Variants in PPP2R5C observed in about 807,000 individuals in gnomAD.
The protein encoded by PPP2R5C is serine/threonine-protein phosphatase 2A 56 kDa regulatory subunit gamma isoform.
A neutral mutation model predicts 68.9 loss-of-function variants in PPP2R5C; 7 were observed. The observed-to-expected ratio is 0.10, with a 90% CI of 0.06 to 0.19. The LOEUF (loss-of-function observed/expected upper bound fraction) is 0.19, where lower values mean the gene tolerates loss of function less well. Ranked by LOEUF, PPP2R5C falls within the 10% of genes least tolerant of loss-of-function variation. The pLI, the probability that PPP2R5C is intolerant of heterozygous loss-of-function variation, is 1.00. For synonymous variants in PPP2R5C, 210 were observed against 222.2 expected, an observed-to-expected ratio of 0.95 and a Z score of 0.49; for missense variants, 348 against 641.3, an observed-to-expected ratio of 0.54 and a Z score of 4.94.
Position 101,919,969 on chromosome 14 carries a change from CAA to C in PPP2R5C, c.1443+2044_1443+2045del, listed in dbSNP as rs34641396. Among the ~76,000 whole-genome samples the C allele has an allele frequency of 6.9e-3, 364 of 52,862 alleles. 2 individuals are homozygous for C. Among genetic ancestry groups the C allele is most frequent in the African/African-American group, 0.029 (327 of 11,158 alleles). The allele number at this position is 52,862 out of a possible 152,430, so 34.7% of individuals were successfully genotyped here. ...GGGCAAGAAAAGCAAAACTCCGTCT[CAA>C]AAAAAAAAAAAAAAAAAAAAACCAA... On this transcript the variant is annotated intron_variant, in intron 13 of 13. Coordinates refer to ENST00000334743, the Ensembl canonical transcript of PPP2R5C.
At chr14:101,856,307 C>T (rs962929646) in intron 1 of PPP2R5C, among the ~76,000 whole-genome samples, 2 of 152,234 alleles carry the variant, frequency 1.3e-5, no homozygotes, top group Non-Finnish European at 2.9e-5. Flanking sequence ...AATGTGTCCA[C>T]GCCCTTTCCC....
chr14:101,761,077 A>AAGGGGAGGGG (rs1175956652), upstream of PPP2R5C, among the ~76,000 whole-genome samples: 6 of 47,688 alleles, frequency 1.3e-4, no homozygotes, highest in Admixed American at 2.4e-4. Context: ...GAGAGGAGGG[A>AAGGGGAGGGG]AGGGGAGGGG....
chr14:101,830,114 C>G (rs1202238263), intron 1 of PPP2R5C, among the ~76,000 whole-genome samples: 1 of 152,148 alleles, frequency 6.6e-6, no homozygotes, highest in African/African-American at 2.4e-5. Flanking sequence ...CATCTATATT[C>G]AAGGTAGATC....
intron 1 of PPP2R5C, among the ~76,000 whole-genome samples, chr14:101,838,670 C>G (rs1015384982): frequency 6.6e-6 from 1 of 152,202 alleles, no homozygotes; most frequent in African/African-American, 2.4e-5. Flanking sequence ...AGGAGGAGCC[C>G]CAGGGAAGGA....
At chr14:101,765,264 T>C (rs886233399) in intron 2 of PPP2R5C, 2 of 702,814 alleles carry the variant, frequency 2.8e-6, no homozygotes, top group Non-Finnish European at 5.2e-6. Context: ...ACCTGGCATA[T>C]TAAGCTTGAC....
intron 1 of PPP2R5C, chr14:101,821,121 T>G (rs1179661892): frequency 6.6e-6 from 1 of 151,450 alleles, no homozygotes; most frequent in Non-Finnish European, 1.5e-5. Flanking sequence ...TAAAAAAAAA[T>G]TAAGTAGTCA....
At chr14:101,903,890 G>A (rs181037393) in intron 9 of PPP2R5C, among the ~76,000 whole-genome samples, 110 of 152,032 alleles carry the variant, frequency 7.2e-4, no homozygotes, top group African/African-American at 2.7e-3. Context: ...TGGCCAGGCC[G>A]ATCTTCAACT....
rs570550462 is a variant in PPP2R5C, at chr14:101,770,066, G to A, written c.93+7096G>A. ...GCAAGAATTTGTATATCTAAACATA[G>A]AAAAGATACCATAAAAATATGGTGT... On this transcript the variant is annotated intron_variant, in intron 2 of 14. Coordinates refer to the PPP2R5C transcript ENST00000328724. Among the ~76,000 whole-genome samples, 17 of 152,216 alleles carry A rather than the reference G, an allele frequency of 1.1e-4. No individual in the cohort carries two copies. In the South Asian group the frequency reaches 2.9e-3, roughly 26 times the overall value.
chr14:101,785,967 C>T, intron 2 of PPP2R5C, 51 bp from the exon 3 acceptor site: 3 of 1,450,166 alleles, frequency 2.1e-6, no homozygotes, highest in Admixed American at 2.8e-5. Context: ...AATAGTGCTA[C>T]AAAATACAAC....
chr14:101,774,047 G>A (rs1457137050), intron 2 of PPP2R5C, among the ~76,000 whole-genome samples: 3 of 152,234 alleles, frequency 2.0e-5, no homozygotes, highest in African/African-American at 4.8e-5. Flanking sequence ...GGTGTTTTGA[G>A]TAGGGAAGTA....
At chr14:101,875,070 C>G (rs554326515) in intron 2 of PPP2R5C, among the ~76,000 whole-genome samples, 36 of 152,274 alleles carry the variant, frequency 2.4e-4, no homozygotes, top group African/African-American at 7.9e-4. Flanking sequence ...TCTTTAACTG[C>G]TATTTAGGAA....
At chr14:101,884,191 G>A (rs1031820893) in intron 5 of PPP2R5C, among the ~76,000 whole-genome samples, 7 of 152,206 alleles carry the variant, frequency 4.6e-5, no homozygotes, top group African/African-American at 1.4e-4. Flanking sequence ...GAAAGATGGA[G>A]GCCAGAAGAC....
chr14:101,836,961 T>C (rs1164482982), intron 1 of PPP2R5C, among the ~76,000 whole-genome samples: 1 of 152,178 alleles, frequency 6.6e-6, no homozygotes, highest in African/African-American at 2.4e-5. Context: ...AAGCGAGAAC[T>C]GTAGGGGATT....
In PPP2R5C at chr14:101,835,673, C is replaced by T. The variant is rs1371411190; in HGVS notation, c.95-21013C>T. ...TCTCCCGGGGGACAGACACAGTCTT[C>T]ATCTTGAGCAGGAACGGTGAGACCA... On this transcript the variant is annotated intron_variant, in intron 1 of 13. Coordinates refer to ENST00000334743, the Ensembl canonical transcript of PPP2R5C. The surrounding 1 kb of genome is among the most constrained non-coding windows in gnomAD (Gnocchi z 5.0). Among the ~76,000 whole-genome samples the T allele has an allele frequency of 1.3e-5, 2 of 152,252 alleles. No individual in the cohort carries two copies. Among genetic ancestry groups the T allele is most frequent in the Non-Finnish European group, 2.9e-5 (2 of 68,050 alleles).
exon 4 of PPP2R5C, chr14:101,883,282 T>G: frequency 1.3e-6 from 2 of 1,576,298 alleles, no homozygotes; most frequent in Non-Finnish European, 1.7e-6. Flanking sequence ...TTCTTAAGAT[T>G]TTTAGAGTCT....
At chr14:101,855,872 C>T (rs752568898) in intron 1 of PPP2R5C, among the ~76,000 whole-genome samples, 1 of 152,204 alleles carries the variant, frequency 6.6e-6, no homozygotes, top group African/African-American at 2.4e-5. Context: ...GTCTGTTGTG[C>T]TGTTATAAAG....
exon 9 of PPP2R5C, chr14:101,901,735 T>G: frequency 6.2e-7 from 1 of 1,613,648 alleles, no homozygotes; most frequent in Non-Finnish European, 8.5e-7. Flanking sequence ...ATGGCACTTC[T>G]CAAATACTGG....
At chr14:101,786,473 C>T (rs1369037411) in intron 3 of PPP2R5C, among the ~76,000 whole-genome samples, 1 of 151,970 alleles carries the variant, frequency 6.6e-6, no homozygotes, top group Non-Finnish European at 1.5e-5. Flanking sequence ...ATTAAGCTAG[C>T]CAGTTTTTCT....
At chr14:101,921,054 CTTTTTTTTTTTTTT>C (rs35320139) in intron 13 of PPP2R5C, 2 of 53,442 alleles carry the variant, frequency 3.7e-5, no homozygotes, top group Non-Finnish European at 3.6e-5. Flanking sequence ...ATAAATTCTG[CTTTTTTTTTTTTTT>C]TTTTTTTTTT....
Sources: allele counts gnomAD v4.1 joint callset (sites outside exome capture counted in the v4.1 genomes callset), GRCh38; gene constraint gnomAD v4.1.1; non-coding constraint Gnocchi (gnomAD v3.1); transcripts MANE v1.5; gene names NCBI Gene and HGNC (gene_info 2026-07-23, HGNC 2026-07-21).